Variants in VIT observed in about 807,000 individuals in gnomAD.
VIT encodes the protein vitrin.
In VIT, 99 loss-of-function variants were observed where a neutral mutation model predicts 78.0. The ratio of observed to expected loss-of-function variants is 1.27; its 90% CI spans 1.08 to 1.50. The LOEUF (loss-of-function observed/expected upper bound fraction) is 1.50, where lower values mean the gene tolerates loss of function less well. VIT is among the 40% of genes most tolerant of loss of function. The probability of loss-of-function intolerance (pLI) is 0.00; values close to 1 mark genes in which losing one functional copy is unlikely to be tolerated. For synonymous variants in VIT, 374 were observed against 334.3 expected (o/e 1.12, Z -1.29); for missense variants, 1,126 against 875.3 (o/e 1.29, Z -3.61).
chr2:36,793,708 CTTGT>C (rs1249550093), intron 12 of VIT, among the ~76,000 whole-genome samples: 2 of 103,220 alleles, frequency 1.9e-5, no homozygotes, highest in African/African-American at 6.4e-5. Context: ...AAGTTGATGG[CTTGT>C]TTGAGAAAAT....
intron 4 of VIT, among the ~76,000 whole-genome samples, chr2:36,748,633 G>A (rs1035352650): frequency 3.3e-5 from 5 of 152,120 alleles, no homozygotes; most frequent in African/African-American, 9.7e-5. Flanking sequence ...TTCAAGTCTT[G>A]GATCATTTTA....
chr2:36,795,506 G>A (rs1160297000), intron 12 of VIT, among the ~76,000 whole-genome samples: 1 of 151,754 alleles, frequency 6.6e-6, no homozygotes, highest in Non-Finnish European at 1.5e-5. Context: ...TCCGCCTCCC[G>A]GGTTCAAGCG....
chr2:36,737,177 A>G lies in VIT; in HGVS notation c.119-5923A>G, dbSNP rs1474038642. ...AGACCTGAAAAATAAGTGAATTTTT[A>G]CAGGCAGAGGTTGGGAAAGGGCTTT... On this transcript the variant is annotated intron_variant, in intron 3 of 15. Transcript: ENST00000379242. 2.0e-5 allele frequency among the ~76,000 whole-genome samples: 3 copies of G among 152,352 alleles called. No homozygotes were observed. The East Asian group carries it at 5.8e-4, about 29-fold the overall frequency.
chr2:36,746,992 A>G (rs1008586727), intron 4 of VIT, among the ~76,000 whole-genome samples: 3 of 152,212 alleles, frequency 2.0e-5, no homozygotes, highest in African/African-American at 7.2e-5. Context: ...AGATTTTGGT[A>G]TGTTGTGTCT....
intron 3 of VIT, among the ~76,000 whole-genome samples, chr2:36,740,721 GAC>G (rs1456793374): frequency 1.3e-5 from 2 of 152,044 alleles, no homozygotes; most frequent in Non-Finnish European, 2.9e-5. Flanking sequence ...GAAAAAAAAA[GAC>G]AAAATAAACA....
At chr2:36,789,500 G>A (rs1665337585) in intron 12 of VIT, among the ~76,000 whole-genome samples, 1 of 152,314 alleles carries the variant, frequency 6.6e-6, no homozygotes, top group South Asian at 2.1e-4. Context: ...AACCATCCGT[G>A]GAGCGTGGGA....
chr2:36,772,882 C>A (rs1669842732), intron 7 of VIT, among the ~76,000 whole-genome samples: 1 of 152,164 alleles, frequency 6.6e-6, no homozygotes, highest in South Asian at 2.1e-4. Context: ...TTATTTCCGT[C>A]AGCTGGGTTT....
intron 3 of VIT, 136 bp from the exon 4 acceptor site, chr2:36,742,964 A>C: frequency 9.4e-7 from 1 of 1,066,096 alleles, no homozygotes; most frequent in Non-Finnish European, 1.3e-6. Flanking sequence ...CTTTGCTTTC[A>C]TTATAGGGAG....
intron 2 of VIT, among the ~76,000 whole-genome samples, chr2:36,718,078 C>G (rs148131719): frequency 6.6e-6 from 1 of 152,264 alleles, no homozygotes; most frequent in African/African-American, 2.4e-5. Context: ...ATAATGACAT[C>G]AGTCATATTG....
In VIT at chr2:36,721,535, C is replaced by T. The variant is rs532107411; in HGVS notation, c.52+5113C>T. Among the ~76,000 whole-genome samples the T allele has an allele frequency of 1.3e-3, 198 of 152,258 alleles. 1 individual carries two copies. Among genetic ancestry groups the T allele is most frequent in the Admixed American group, 2.4e-3 (36 of 15,290 alleles). ...ACCCCTATTAATCTCTTAAAGCCCA[C>T]ATCTGACCTCCACTCTTGCTCTCCA... On this transcript the variant is annotated intron_variant, in intron 2 of 15. Coordinates refer to ENST00000379242, the MANE Select transcript of VIT (RefSeq NM_053276.4).
intron 4 of VIT, among the ~76,000 whole-genome samples, chr2:36,748,481 C>T (rs1293221897): frequency 6.6e-6 from 1 of 152,164 alleles, no homozygotes; most frequent in African/African-American, 2.4e-5. Context: ...ATTCAAAGAA[C>T]TGGTCTTCAA....
At chr2:36,703,407 G>A (rs779311694) in intron 1 of VIT, among the ~76,000 whole-genome samples, 44 of 140,828 alleles carry the variant, frequency 3.1e-4, no homozygotes, top group Non-Finnish European at 4.5e-4. Context: ...AGACCACTTT[G>A]GAACATGGAA....
intron 2 of VIT, among the ~76,000 whole-genome samples, chr2:36,720,721 C>G (rs1277147907): frequency 6.6e-6 from 1 of 152,124 alleles, no homozygotes; most frequent in African/African-American, 2.4e-5. Flanking sequence ...AGAGTACAGA[C>G]TTTCAGGCCA....
intron 4 of VIT, among the ~76,000 whole-genome samples, chr2:36,744,048 G>A (rs2148519128): frequency 6.6e-6 from 1 of 152,278 alleles, no homozygotes; most frequent in Middle Eastern, 3.4e-3. Flanking sequence ...TTATAAGTGA[G>A]AACATGCAAT....
chr2:36,783,529 T>C, intron 11 of VIT, 127 bp downstream of exon 11: 1 of 863,394 alleles, frequency 1.2e-6, no homozygotes, highest in Admixed American at 2.2e-5. Context: ...TCCTCTCTTC[T>C]GACACCTTGT....
intron 12 of VIT, among the ~76,000 whole-genome samples, chr2:36,791,207 G>C (rs1281191085): frequency 6.6e-6 from 1 of 152,174 alleles, no homozygotes; most frequent in Non-Finnish European, 1.5e-5. Context: ...GTGGTTTAGT[G>C]AGTGGCTCTG....
At chr2:36,720,824 C>T (rs1206661651) in intron 2 of VIT, among the ~76,000 whole-genome samples, 1 of 152,150 alleles carries the variant, frequency 6.6e-6, no homozygotes, top group Admixed American at 6.5e-5. Context: ...GCCTGGCCAA[C>T]ATGGCAAAAT....
At chr2:36,742,832 T>C (rs1427139582) in intron 3 of VIT, among the ~76,000 whole-genome samples, 1 of 152,238 alleles carries the variant, frequency 6.6e-6, no homozygotes, top group African/African-American at 2.4e-5. Flanking sequence ...CAGAGATCTC[T>C]GCTTTGTTAA....
intron 4 of VIT, among the ~76,000 whole-genome samples, chr2:36,748,772 C>T (rs1464714217): frequency 1.3e-5 from 2 of 152,360 alleles, no homozygotes; most frequent in East Asian, 1.9e-4. Flanking sequence ...TCAGCAACTT[C>T]GTGCAAGGTT....
Sources: gnomAD v4.1 joint callset for allele counts (sites outside exome capture counted in the v4.1 genomes callset) on GRCh38, gnomAD v4.1.1 for gene constraint, MANE v1.5 for transcripts, NCBI Gene and HGNC (gene_info 2026-07-23, HGNC 2026-07-21) for gene names.